Variants in FKTN observed in about 807,000 individuals in gnomAD.
FKTN encodes ribitol-5-phosphate transferase FKTN.
In FKTN, 47 loss-of-function variants were observed where a neutral mutation model predicts 58.6. The ratio of observed to expected loss-of-function variants is 0.80; its 90% confidence interval spans 0.63 to 1.02. The LOEUF (loss-of-function observed/expected upper bound fraction) is 1.02, where lower values mean the gene tolerates loss of function less well. FKTN is among the 50% of genes least tolerant of loss of function. The pLI, the probability that FKTN is intolerant of heterozygous loss-of-function variation, is 0.00. For missense variants in FKTN, 516 were observed against 537.3 expected (o/e 0.96, Z 0.39); for synonymous variants, 178 against 191.9 (o/e 0.93, Z 0.60).
intron 7 of FKTN, among the ~76,000 whole-genome samples, chr9:105,611,068 T>C (rs949255014): frequency 6.6e-6 from 1 of 151,106 alleles, no homozygotes; most frequent in African/African-American, 2.5e-5. Flanking sequence ...ACAATATTTT[T>C]ATTTTATTTC....
At chr9:105,621,990 A>T (rs1352122551) in intron 10 of FKTN, among the ~76,000 whole-genome samples, 6 of 152,080 alleles carry the variant, frequency 3.9e-5, no homozygotes, top group African/African-American at 1.2e-4. Context: ...TTTGATAGAT[A>T]TTGCCAAATT....
chr9:105,620,998 A>G (rs189098218), intron 10 of FKTN, among the ~76,000 whole-genome samples: 7 of 152,256 alleles, frequency 4.6e-5, no homozygotes, highest in Admixed American at 2.0e-4. Flanking sequence ...TTCTTAAATT[A>G]CTTTCTAAGG....
intron 3 of FKTN, among the ~76,000 whole-genome samples, chr9:105,586,623 A>T (rs1168304374): frequency 6.6e-6 from 1 of 152,170 alleles, no homozygotes; most frequent in Non-Finnish European, 1.5e-5. Context: ...ATAATTTTTG[A>T]GTTTGGGCAC....
At chr9:105,609,389 T>TA (rs1323849483) in intron 7 of FKTN, among the ~76,000 whole-genome samples, 3 of 152,128 alleles carry the variant, frequency 2.0e-5, no homozygotes, top group Non-Finnish European at 4.4e-5. Flanking sequence ...GACCACAACT[T>TA]CAAAAAATTT....
intron 1 of FKTN, among the ~76,000 whole-genome samples, chr9:105,558,995 G>T (rs192624403): frequency 3.3e-5 from 5 of 152,346 alleles, no homozygotes; most frequent in African/African-American, 1.2e-4. Context: ...GAAAGGAAGT[G>T]CAGGGTGTTC....
At chr9:105,610,089 A>G (rs2132965043) in intron 7 of FKTN, among the ~76,000 whole-genome samples, 1 of 152,228 alleles carries the variant, frequency 6.6e-6, no homozygotes, top group East Asian at 1.9e-4. Context: ...ACTCCTTCAT[A>G]ATGCTTTCTG....
At chr9:105,634,968 T>C in intron 10 of FKTN, 83 bp from the exon 11 acceptor site, 1 of 1,088,576 alleles carries the variant, frequency 9.2e-7, no homozygotes, top group Non-Finnish European at 1.4e-6. Flanking sequence ...GCACTGTCCT[T>C]CAGCCAATAA....
chr9:105,618,184 A>G (rs1831179302), intron 9 of FKTN, 92 bp downstream of exon 9: 2 of 1,046,270 alleles, frequency 1.9e-6, no homozygotes, highest in Admixed American at 3.5e-5. Flanking sequence ...AGAATGCTAC[A>G]TACATAATTT....
At position 105,597,918 on chromosome 9, in the gene FKTN, C is replaced by T. The variant is rs560699557; in HGVS notation, c.165+1261C>T. On this transcript the variant is annotated intron_variant, in intron 4 of 10. Transcript: ENST00000357998. The stretch of plus-strand genomic sequence containing the variant: ...AGTTGGATAAAAGGTTTTCCTTTAT[C>T]GGTATTAACCAACAACATTCTGACA... 2.6e-5 allele frequency among the ~76,000 whole-genome samples: 4 copies of T among 152,116 alleles called. No homozygotes were observed. In the East Asian group the frequency reaches 5.8e-4, roughly 22 times the overall value.
chr9:105,629,654 A>G (rs1408919145), intron 10 of FKTN, among the ~76,000 whole-genome samples: 1 of 152,118 alleles, frequency 6.6e-6, no homozygotes, highest in Admixed American at 6.5e-5. Flanking sequence ...GCATTGAGGA[A>G]AACTTTAGTA....
chr9:105,567,323 A>G (rs1467306140), intron 1 of FKTN, among the ~76,000 whole-genome samples: 1 of 152,204 alleles, frequency 6.6e-6, no homozygotes, highest in African/African-American at 2.4e-5. Flanking sequence ...GAAAGAAATA[A>G]AAGATATTTA....
At chr9:105,604,545 T>A (rs1327600965) in intron 6 of FKTN, 53 bp downstream of exon 6, 13 of 1,415,212 alleles carry the variant, frequency 9.2e-6, no homozygotes, top group African/African-American at 1.4e-5. Context: ...TCAGTCATAA[T>A]TCTTGCAGTG....
intron 3 of FKTN, among the ~76,000 whole-genome samples, chr9:105,590,978 A>G (rs1410493401): frequency 2.0e-5 from 3 of 152,080 alleles, no homozygotes; most frequent in Admixed American, 6.6e-5. Flanking sequence ...GGGAGATGCT[A>G]CACACTTTTA....
At chr9:105,616,202 C>T (rs1325788102) in intron 8 of FKTN, among the ~76,000 whole-genome samples, 1 of 152,212 alleles carries the variant, frequency 6.6e-6, no homozygotes, top group Non-Finnish European at 1.5e-5. Context: ...TATGGCAGGA[C>T]TACTATAGTT....
At position 105,637,343 on chromosome 9, in the gene FKTN, T is replaced by C; in HGVS notation, c.*2079T>C. 2.0e-6 allele frequency: 2 copies of C among 985,398 alleles called. No individual in the cohort carries two copies. The highest frequency in any genetic ancestry group is 2.4e-6 in the Non-Finnish European group (2 of 829,922). The allele number at this position is 985,398 out of a possible 1,614,324, so 61.0% of individuals were successfully genotyped here. ...AGAGTGTCTGAAATCCAAGACATCT[T>C]GGCCCAATTGACACAGGTTCTATAT... On this transcript the variant is annotated 3_prime_UTR_variant, in exon 11 of 11. Transcript: ENST00000357998.
intron 10 of FKTN, among the ~76,000 whole-genome samples, chr9:105,621,506 G>A (rs2133241373): frequency 6.6e-6 from 1 of 152,190 alleles, no homozygotes; most frequent in African/African-American, 2.4e-5. Context: ...TAAAGGATGT[G>A]TATGAAAAGT....
chr9:105,609,618 T>A (rs1829543630), intron 7 of FKTN, among the ~76,000 whole-genome samples: 1 of 152,176 alleles, frequency 6.6e-6, no homozygotes, highest in Admixed American at 6.5e-5. Context: ...GTTCTTTTAT[T>A]ACTTTCATGA....
In FKTN at chr9:105,564,051, A is replaced by T. The variant is rs191029612; in HGVS notation, c.-181+5886A>T. Among the ~76,000 whole-genome samples the T allele has an allele frequency of 6.6e-3, 999 of 152,282 alleles. 17 individuals are homozygous for T. The highest frequency in any genetic ancestry group is 0.023 in the African/African-American group (949 of 41,570). On this transcript the variant is annotated intron_variant, in intron 1 of 10. Coordinates refer to ENST00000357998, the MANE Select transcript of FKTN (RefSeq NM_001079802.2). ...CCCAGGCAAACAGGATCTGGAGTGG[A>T]CCTCCAGCAAACTCCAACAGACCTG...
intron 3 of FKTN, among the ~76,000 whole-genome samples, chr9:105,577,966 T>C (rs1394891330): frequency 1.3e-5 from 2 of 151,988 alleles, no homozygotes. Context: ...TTTGGCTCTC[T>C]GTTTGTGTGT....
Sources: allele counts gnomAD v4.1 joint callset (sites outside exome capture counted in the v4.1 genomes callset), GRCh38; gene constraint gnomAD v4.1.1; transcripts MANE v1.5; gene names NCBI Gene and HGNC (gene_info 2026-07-23, HGNC 2026-07-21).